Variants in GALNT13 observed in about 807,000 individuals in gnomAD.
GALNT13 encodes UDP-GalNAc:polypeptide N-acetylgalactosaminyltransferase 13.
Under a neutral mutation model 64.2 loss-of-function variants are expected in GALNT13, and 28 were observed. The observed-to-expected ratio is 0.44, with a 90% confidence interval of 0.32 to 0.60. The LOEUF (loss-of-function observed/expected upper bound fraction) is 0.60. Among genes scored for constraint, GALNT13 ranks in the 20% least tolerant of loss-of-function variants. The pLI, the probability that GALNT13 is intolerant of heterozygous loss-of-function variation, is 0.05. For missense variants in GALNT13, 577 were observed against 669.8 expected (o/e 0.86, Z 1.53); for synonymous variants, 214 against 224.6 (o/e 0.95, Z 0.42).
At chr2:153,912,253 A>G (rs1027567375) in intron 2 of GALNT13, among the ~76,000 whole-genome samples, 1 of 151,960 alleles carries the variant, frequency 6.6e-6, no homozygotes, top group African/African-American at 2.4e-5. Context: ...CAGCTCTATA[A>G]GGTCAGCTTC....
intron 3 of GALNT13, among the ~76,000 whole-genome samples, chr2:154,065,567 C>G (rs1700417212): frequency 6.6e-6 from 1 of 152,196 alleles, no homozygotes; most frequent in African/African-American, 2.4e-5. Flanking sequence ...ACAAGCATCT[C>G]TGCCTGGTAA....
rs1170420958 is a variant in GALNT13, at chr2:154,396,119, T to C, written c.1285T>C (p.Ser429Pro). 1 of 1,600,306 alleles carries C rather than the reference T, an allele frequency of 6.2e-7. No homozygotes were observed. Among genetic ancestry groups the C allele is most frequent in the Non-Finnish European group, 8.5e-7 (1 of 1,174,390 alleles). Reference sequence around the variant, plus strand: ...CTCCCAGATCCCAAGACGTTATTACTCACTTGGTGAGGTATGAATTATTTA... The same window carrying C: ...CTCCCAGATCCCAAGACGTTATTACCCACTTGGTGAGGTATGAATTATTTA... Reference protein sequence around the residue: ...PDSQIPRRYYSLGEIRNVETN... With the variant: ...PDSQIPRRYYPLGEIRNVETN... The change falls in exon 10 of 13, where the codon TCA becomes CCA. Residue 429 changes from serine to proline, a missense_variant. Ser to Pro is a moderately conservative substitution (Grantham distance 74). Transcript: ENST00000392825.
At chr2:153,552,575 C>CTTTTTT in the GALNT13 span, among the ~76,000 whole-genome samples, 387 of 68,952 alleles carry the variant, frequency 5.6e-3, no homozygotes, top group Non-Finnish European at 6.4e-3. Context: ...GCTTCTTCTT[C>CTTTTTT]TTTTTTTTTT....
At chr2:153,639,493 C>A in the GALNT13 span, among the ~76,000 whole-genome samples, 2 of 152,074 alleles carry the variant, frequency 1.3e-5, no homozygotes, top group Non-Finnish European at 2.9e-5. Flanking sequence ...ACATTAAAAT[C>A]ACCAAGAATA....
At chr2:154,442,253 C>G (rs565029430) in intron 12 of GALNT13, among the ~76,000 whole-genome samples, 6 of 152,184 alleles carry the variant, frequency 3.9e-5, no homozygotes, top group Middle Eastern at 6.8e-3. Context: ...TAATTGCTTA[C>G]AAACTTCAGC....
At chr2:153,455,936 G>C in the GALNT13 span, among the ~76,000 whole-genome samples, 3 of 152,166 alleles carry the variant, frequency 2.0e-5, no homozygotes, top group Non-Finnish European at 4.4e-5. Flanking sequence ...AGCAGGAAGG[G>C]GAGCTGAGAA....
At chr2:154,080,031 T>C (rs531481198) in intron 3 of GALNT13, among the ~76,000 whole-genome samples, 1 of 151,780 alleles carries the variant, frequency 6.6e-6, no homozygotes, top group African/African-American at 2.4e-5. Flanking sequence ...CCCTTTGTTT[T>C]CTAAAGGGCT....
At chr2:153,558,149 T>G in the GALNT13 span, among the ~76,000 whole-genome samples, 1 of 152,212 alleles carries the variant, frequency 6.6e-6, no homozygotes, top group East Asian at 1.9e-4. Flanking sequence ...GCTCAGAGAT[T>G]ACATGCATCA....
the GALNT13 span, among the ~76,000 whole-genome samples, chr2:153,575,349 A>G: frequency 2.6e-5 from 4 of 152,152 alleles, no homozygotes; most frequent in Non-Finnish European, 5.9e-5. Context: ...CTCACCCAAG[A>G]TCTGCTGTAA....
chr2:153,631,773 T>A, the GALNT13 span, among the ~76,000 whole-genome samples: 1 of 152,212 alleles, frequency 6.6e-6, no homozygotes, highest in Non-Finnish European at 1.5e-5. Context: ...TTCACTCTGA[T>A]GGTAGTTTCT....
chr2:153,751,788 A>C, the GALNT13 span, among the ~76,000 whole-genome samples: 2 of 151,266 alleles, frequency 1.3e-5, no homozygotes, highest in Non-Finnish European at 3.0e-5. Flanking sequence ...TCACTCAGCT[A>C]GTTGATATCT....
chr2:153,163,973 G>C, the GALNT13 span, among the ~76,000 whole-genome samples: 18 of 149,236 alleles, frequency 1.2e-4, no homozygotes, highest in South Asian at 8.5e-4. Flanking sequence ...AGCCGAGATC[G>C]CGCCACTGCA....
chr2:153,674,739 A>C, the GALNT13 span, among the ~76,000 whole-genome samples: 2 of 152,216 alleles, frequency 1.3e-5, no homozygotes, highest in African/African-American at 2.4e-5. Context: ...ACAACAAAAG[A>C]AACTATCATG....
At chr2:153,517,290 T>C in the GALNT13 span, among the ~76,000 whole-genome samples, 1 of 152,182 alleles carries the variant, frequency 6.6e-6, no homozygotes, top group Admixed American at 6.5e-5. Flanking sequence ...GGAATTCAGA[T>C]TCAATAGACC....
At chr2:154,023,350 G>T (rs139498992) in intron 3 of GALNT13, among the ~76,000 whole-genome samples, 2 of 152,128 alleles carry the variant, frequency 1.3e-5, no homozygotes, top group African/African-American at 4.8e-5. Context: ...GGTCACTAAG[G>T]ACTTGCTTTA....
chr2:153,296,469 T>A, the GALNT13 span, among the ~76,000 whole-genome samples: 1 of 152,130 alleles, frequency 6.6e-6, no homozygotes, highest in African/African-American at 2.4e-5. Flanking sequence ...AATTCCAGGG[T>A]TTAATGTCGT....
At chr2:154,183,874 G>A (rs1686103298) in intron 4 of GALNT13, among the ~76,000 whole-genome samples, 2 of 151,370 alleles carry the variant, frequency 1.3e-5, no homozygotes, top group African/African-American at 2.4e-5. Flanking sequence ...GCTAATTTGG[G>A]GATTAGTATT....
At chr2:154,044,088 A>C (rs1226841961) in intron 3 of GALNT13, among the ~76,000 whole-genome samples, 1 of 152,052 alleles carries the variant, frequency 6.6e-6, no homozygotes, top group African/African-American at 2.4e-5. Context: ...ATAAAAAATA[A>C]AAAATAAAAA....
At chr2:153,275,498 C>G in the GALNT13 span, among the ~76,000 whole-genome samples, 1 of 152,106 alleles carries the variant, frequency 6.6e-6, no homozygotes, top group African/African-American at 2.4e-5. Flanking sequence ...CAAGAAGGCC[C>G]TCACTAGATG....
Sources: allele counts gnomAD v4.1 joint callset (sites outside exome capture counted in the v4.1 genomes callset), GRCh38; gene constraint gnomAD v4.1.1; transcripts MANE v1.5; gene names NCBI Gene and HGNC (gene_info 2026-07-23, HGNC 2026-07-21).